The following PLOD1 variants were observed in gnomAD, a reference collection of about 807,000 sequenced individuals.
PLOD1 encodes the protein procollagen-lysine,2-oxoglutarate 5-dioxygenase 1.
A neutral mutation model predicts 94.7 loss-of-function variants in PLOD1; 70 were observed. That is an observed-to-expected ratio of 0.74 (90% confidence interval 0.61 to 0.90). The LOEUF (loss-of-function observed/expected upper bound fraction) is 0.90, where lower values mean the gene tolerates loss of function less well. PLOD1 is among the 40% of genes least tolerant of loss of function. The pLI, the probability that PLOD1 is intolerant of heterozygous loss-of-function variation, is 0.00. For missense variants in PLOD1, 905 were observed against 972.7 expected, an observed-to-expected ratio of 0.93 and a Z score of 0.93; for synonymous variants, 417 against 400.2, an observed-to-expected ratio of 1.04 and a Z score of -0.50.
chr1:11,950,293 T>C, intron 3 of PLOD1, 64 bp from the exon 4 acceptor site: 1 of 1,508,294 alleles, frequency 6.6e-7, no homozygotes, highest in Non-Finnish European at 9.2e-7. Flanking sequence ...CCCTCCTGTC[T>C]GTGCCCTCAC....
At position 11,967,197 on chromosome 1, in the gene PLOD1, G is replaced by A. The variant is rs116594838; in HGVS notation, c.1755+106G>A. The A allele has an allele frequency of 1.9e-3, 1,460 of 755,876 alleles. 12 individuals carry two copies. The African/African-American group carries it at 0.022, about 11-fold the overall frequency. 46.8% of individuals were successfully genotyped at this position (755,876 alleles called of 1,614,324 possible). A position where few individuals can be genotyped will look rare whatever the true frequency, so the allele number is the denominator to read the frequency against. On this transcript the variant is annotated intron_variant, in intron 16 of 18. Transcript: ENST00000196061. ...AAGCTGGCCTGGCCACCCTTTCTGGGACTCTTGACATAGGGGTGCTGGCAT... is the reference window on the plus strand; with the variant it reads ...AAGCTGGCCTGGCCACCCTTTCTGGAACTCTTGACATAGGGGTGCTGGCAT...
In PLOD1 at chr1:11,974,601, A is replaced by T; in HGVS notation, c.2029-52A>T. The T allele has an allele frequency of 1.3e-6, 2 of 1,571,632 alleles. 1 individual carries two copies. Among genetic ancestry groups the T allele is most frequent in the South Asian group, 2.2e-5 (2 of 88,900 alleles). On this transcript the variant is annotated intron_variant, in intron 18 of 18. Transcript: ENST00000196061. ...TGACAGGAGATCATGACGGGAGAACAGACGGGCAGGGGGGCGGTGGGGAAA... is the reference window on the plus strand; with the variant it reads ...TGACAGGAGATCATGACGGGAGAACTGACGGGCAGGGGGGCGGTGGGGAAA...
chr1:11,955,769 G>C (rs774963360), intron 6 of PLOD1, among the ~76,000 whole-genome samples: 1 of 151,956 alleles, frequency 6.6e-6, no homozygotes, highest in Non-Finnish European at 1.5e-5. Context: ...GATTACAGGC[G>C]CACACCACCA....
In PLOD1 at chr1:11,963,432, T is replaced by G; in HGVS notation, c.1098-100T>G. On this transcript the variant is annotated intron_variant, in intron 10 of 18. Coordinates refer to ENST00000196061, the MANE Select transcript of PLOD1 (RefSeq NM_000302.4). This position sits in a 1 kb window ranked among gnomAD's most constrained non-coding sequence, Gnocchi z 4.3. The stretch of plus-strand genomic sequence containing the variant: ...GCTGGTGTGACCTCTCTAAAGCCCC[T>G]TGGCTGATATGTGGTGAAGCCAGAC... The G allele has an allele frequency of 1.3e-6, 1 of 788,288 alleles. No homozygotes were observed. Among genetic ancestry groups the G allele is most frequent in the South Asian group, 1.5e-5 (1 of 68,816 alleles). 48.8% of individuals were successfully genotyped at this position (788,288 alleles called of 1,614,324 possible).
At chr1:11,943,850 T>C (rs1449367077) in intron 1 of PLOD1, among the ~76,000 whole-genome samples, 2 of 152,206 alleles carry the variant, frequency 1.3e-5, no homozygotes, top group Admixed American at 1.3e-4. Flanking sequence ...CTGGTGCTGC[T>C]GCTTCCTAGC....
rs1393646468 is a variant in PLOD1 at position 11,967,076 on chromosome 1, T to C, written c.1740T>C (p.Ser580=). ...AGATGGAGCACTTTGGCCAGTGGTC[T>C]CTGGGCAACAACAAGGTGGGACCCT... ...VEEMEHFGQW[S]LGNNKDNRIQ... Residue 580 remains serine (S), a synonymous_variant, in exon 16 of 19, where the codon TCT becomes TCC. Transcript: ENST00000196061. The C allele has an allele frequency of 6.2e-7, 1 of 1,610,214 alleles. No homozygotes were observed. The highest frequency in any genetic ancestry group is 8.5e-7 in the Non-Finnish European group (1 of 1,176,536).
chr1:11,950,036 G>T, intron 3 of PLOD1, 130 bp downstream of exon 3: 1 of 972,614 alleles, frequency 1.0e-6, no homozygotes. Flanking sequence ...GTTTTAGGGT[G>T]TCCATTCCCG....
intron 10 of PLOD1, 59 bp downstream of exon 10, chr1:11,960,826 G>C: frequency 6.2e-7 from 1 of 1,606,328 alleles, no homozygotes; most frequent in Non-Finnish European, 8.5e-7. Flanking sequence ...CTGTGGCTGT[G>C]GTAAGGAGCA....
Position 11,960,720 on chromosome 1 carries a change from G to C in PLOD1, c.1050G>C (p.Val350=), listed in dbSNP as rs1319292200. ...GCGAGTACCAGTCTGTGAAGCTGGT[G>C]GGCCCTGAGGTGCGGATGGCGAATG... is the stretch of plus-strand genomic sequence containing the variant. ...HGSEYQSVKL[V]GPEVRMANAD... is the part of the protein sequence containing the mutation. Residue 350 remains valine, a synonymous_variant, in exon 10 of 19, where the codon GTG becomes GTC. Coordinates refer to ENST00000196061, the MANE Select transcript of PLOD1 (RefSeq NM_000302.4). 2 of 1,613,442 alleles carry C rather than the reference G, an allele frequency of 1.2e-6. No homozygotes were observed. Among genetic ancestry groups the C allele is most frequent in the African/African-American group, 2.7e-5 (2 of 74,900 alleles).
intron 4 of PLOD1, among the ~76,000 whole-genome samples, chr1:11,952,025 T>C (rs747566245): frequency 6.6e-6 from 1 of 152,236 alleles, no homozygotes; most frequent in Non-Finnish European, 1.5e-5. Context: ...TAGATGGGGA[T>C]CTGCCATCTG....
At chr1:11,967,681 G>C (rs1645831775) in intron 16 of PLOD1, among the ~76,000 whole-genome samples, 1 of 133,094 alleles carries the variant, frequency 7.5e-6, no homozygotes, top group South Asian at 2.4e-4. Context: ...AATAGAGACG[G>C]GGTCTGGCTG....
At chr1:11,974,178 G>A (rs1211545927) in intron 18 of PLOD1, among the ~76,000 whole-genome samples, 3 of 151,698 alleles carry the variant, frequency 2.0e-5, no homozygotes, top group Admixed American at 6.6e-5. Flanking sequence ...CAAGGACAGA[G>A]CTCTTGATCA....
intron 3 of PLOD1, 76 bp downstream of exon 3, chr1:11,949,982 G>C (rs1160670141): frequency 6.8e-7 from 1 of 1,470,192 alleles, no homozygotes; most frequent in Non-Finnish European, 9.5e-7. Context: ...GGCCCTCCCA[G>C]AACATCGGGG....
chr1:11,952,247 C>T (rs1050193883), intron 4 of PLOD1, among the ~76,000 whole-genome samples: 3 of 152,246 alleles, frequency 2.0e-5, no homozygotes, highest in African/African-American at 7.2e-5. Flanking sequence ...TTTCCCTTCT[C>T]TGGGCCAGGT....
chr1:11,941,416 C>T (rs1030595288), intron 1 of PLOD1, among the ~76,000 whole-genome samples: 1 of 152,070 alleles, frequency 6.6e-6, no homozygotes, highest in South Asian at 2.1e-4. Flanking sequence ...ACTGCAACCT[C>T]TGCCTCCTGG....
At chr1:11,967,618 A>G (rs950995175) in intron 16 of PLOD1, among the ~76,000 whole-genome samples, 1 of 71,602 alleles carries the variant, frequency 1.4e-5, no homozygotes, top group Non-Finnish European at 2.8e-5. Context: ...TATATATAAA[A>G]AGAAATATAT....
chr1:11,972,943 T>C lies in PLOD1; in HGVS notation c.1974T>C (p.Asp658=). ...DEQPSLMPHH[D]ASTFTINIAL... ...AGCCCTCACTGATGCCACACCATGA[T>C]GCCTCCACCTTCACCATCAACATCG... The change falls in exon 18 of 19, where the codon GAT becomes GAC. Residue 658 remains aspartate (D), a synonymous_variant. Coordinates refer to ENST00000196061, the MANE Select transcript of PLOD1 (RefSeq NM_000302.4). This position sits in a 1 kb window ranked among gnomAD's most constrained non-coding sequence, Gnocchi z 4.6. The C allele has an allele frequency of 1.2e-6, 2 of 1,614,144 alleles. No homozygotes were observed. Among genetic ancestry groups the C allele is most frequent in the Non-Finnish European group, 1.7e-6 (2 of 1,180,010 alleles).
At chr1:11,967,201 C>T (rs1276529823) in intron 16 of PLOD1, 110 bp downstream of exon 16, 1 of 739,866 alleles carries the variant, frequency 1.4e-6, no homozygotes, top group Non-Finnish European at 2.5e-6. Context: ...TTCTGGGACT[C>T]TTGACATAGG....
intron 2 of PLOD1, among the ~76,000 whole-genome samples, chr1:11,948,473 G>A (rs747841755): frequency 2.0e-5 from 3 of 152,152 alleles, no homozygotes; most frequent in Admixed American, 6.5e-5. Flanking sequence ...AGGGGCTCAC[G>A]CCTGTATTCC....
Sources: allele counts gnomAD v4.1 joint callset (sites outside exome capture counted in the v4.1 genomes callset), GRCh38; gene constraint gnomAD v4.1.1; non-coding constraint Gnocchi (gnomAD v3.1); transcripts MANE v1.5; gene names NCBI Gene and HGNC (gene_info 2026-07-23, HGNC 2026-07-21).